The following PPM1E variants were observed in gnomAD, a reference collection of about 807,000 sequenced individuals.
The protein encoded by PPM1E is protein phosphatase 1E.
PPM1E carries 20 observed loss-of-function variants against 65.9 expected under a neutral mutation model. The ratio of observed to expected loss-of-function variants is 0.30; its 90% confidence interval spans 0.21 to 0.44. PPM1E has a LOEUF of 0.44. Among genes scored for constraint, PPM1E ranks in the 20% least tolerant of loss-of-function variants. The pLI, the probability that PPM1E is intolerant of heterozygous loss-of-function variation, is 1.00. For synonymous variants in PPM1E, 352 were observed against 374.9 expected, an observed-to-expected ratio of 0.94 and a Z score of 0.70; for missense variants, 713 against 953.1, an observed-to-expected ratio of 0.75 and a Z score of 3.32.
intron 1 of PPM1E, among the ~76,000 whole-genome samples, chr17:58,798,525 A>ATTTT (rs78922975): frequency 3.3e-5 from 3 of 89,846 alleles, no homozygotes; most frequent in African/African-American, 8.2e-5. Flanking sequence ...ACACGGCCCT[A>ATTTT]TTTTTTTTTT....
At chr17:58,973,743 G>A (rs755860572) in intron 6 of PPM1E, among the ~76,000 whole-genome samples, 2 of 152,006 alleles carry the variant, frequency 1.3e-5, no homozygotes, top group Non-Finnish European at 2.9e-5. Flanking sequence ...ATGAGGTCAG[G>A]AGATGGAGAC....
Position 58,756,341 on chromosome 17 carries a change from C to G in PPM1E, c.344C>G (p.Pro115Arg). Residue 115 changes from proline (P) to arginine (R), a missense_variant, in exon 1 of 7, where the codon CCG becomes CGG. Physicochemically the swap from Pro to Arg is moderately radical, Grantham distance 103. This residue lies in a region of PPM1E where 212 missense variants were observed against 204.0 expected (regional missense o/e 1.04). Transcript: ENST00000308249. ...AAAAPGHSAVPPPPPQLPPLP... is the reference protein window; with the variant it reads ...AAAAPGHSAVRPPPPQLPPLP... ...GCAGCCCCGGGGCACTCGGCCGTGCCGCCGCCGCCGCCCCAGCTGCCGCCT... is the reference window on the plus strand; with the variant it reads ...GCAGCCCCGGGGCACTCGGCCGTGCGGCCGCCGCCGCCCCAGCTGCCGCCT... 2 of 1,372,120 alleles carry G rather than the reference C, an allele frequency of 1.5e-6. No homozygotes were observed. The highest frequency in any genetic ancestry group is 3.1e-5 in the East Asian group (1 of 32,760). 85.0% of individuals were successfully genotyped at this position (1,372,120 alleles called of 1,614,324 possible). A position where few individuals can be genotyped will look rare whatever the true frequency, so the allele number is the denominator to read the frequency against.
Position 58,812,868 on chromosome 17 carries a change from C to T in PPM1E, c.464+56407C>T, listed in dbSNP as rs141912393. Among the ~76,000 whole-genome samples, 947 of 152,244 alleles carry T rather than the reference C, an allele frequency of 6.2e-3. 4 individuals carry two copies. Among genetic ancestry groups the T allele is most frequent in the Non-Finnish European group, 9.0e-3 (612 of 68,008 alleles). On this transcript the variant is annotated intron_variant, in intron 1 of 6. Transcript: ENST00000308249. ...AGGCATGAGCCACCGTGCCCAGCCA[C>T]ACACTTTTTTATTTGGTAGATTTCC...
intron 1 of PPM1E, among the ~76,000 whole-genome samples, chr17:58,939,821 TC>T (rs1412048806): frequency 6.6e-6 from 1 of 152,116 alleles, no homozygotes; most frequent in Non-Finnish European, 1.5e-5. Context: ...TTCCTTTTGT[TC>T]TCAGGATGTG....
intron 1 of PPM1E, among the ~76,000 whole-genome samples, chr17:58,779,097 A>G (rs182088752): frequency 1.3e-4 from 19 of 151,310 alleles, no homozygotes; most frequent in African/African-American, 4.4e-4. Flanking sequence ...GATATATTTT[A>G]TTTTGTGATT....
intron 1 of PPM1E, among the ~76,000 whole-genome samples, chr17:58,833,692 C>G (rs182001996): frequency 1.3e-5 from 2 of 152,090 alleles, no homozygotes; most frequent in African/African-American, 4.8e-5. Flanking sequence ...AGTGAACATG[C>G]GAGTGCATAT....
intron 1 of PPM1E, among the ~76,000 whole-genome samples, chr17:58,862,498 G>T (rs79014413): frequency 0.04 from 6,061 of 152,248 alleles, 240 homozygotes; most frequent in African/African-American, 0.099. Flanking sequence ...CTTCTGGATA[G>T]AAATGCTTCT....
chr17:58,879,808 G>A (rs1369286079), intron 1 of PPM1E, among the ~76,000 whole-genome samples: 3 of 151,952 alleles, frequency 2.0e-5, no homozygotes, highest in Non-Finnish European at 2.9e-5. Context: ...CGTGCCCGGC[G>A]AGATTAACTT....
intron 1 of PPM1E, among the ~76,000 whole-genome samples, chr17:58,879,304 A>G (rs2051163054): frequency 6.7e-6 from 1 of 149,856 alleles, no homozygotes; most frequent in Admixed American, 6.7e-5. Flanking sequence ...TATTTTATAT[A>G]TATAAAAGAC....
At position 58,863,687 on chromosome 17, in the gene PPM1E, G is replaced by T. The variant is rs535959011; in HGVS notation, c.465-91962G>T. Among the ~76,000 whole-genome samples the T allele has an allele frequency of 6.6e-5, 10 of 152,296 alleles. No individual in the cohort carries two copies. In the South Asian group the frequency reaches 2.1e-3, roughly 32 times the overall value. ...AGACTTGAAGGATGGTGAATGCAGA[G>T]ATTTTATTGAGCAATGGAAGTGGCT... is the stretch of plus-strand genomic sequence containing the variant. On this transcript the variant is annotated intron_variant, in intron 1 of 6. Coordinates refer to ENST00000308249, the MANE Select transcript of PPM1E (RefSeq NM_014906.5).
intron 1 of PPM1E, among the ~76,000 whole-genome samples, chr17:58,953,244 G>A (rs530587295): frequency 6.6e-6 from 1 of 152,274 alleles, no homozygotes; most frequent in South Asian, 2.1e-4. Flanking sequence ...CCTGAAGCTG[G>A]GTAAATTATA....
At chr17:58,900,022 C>T (rs2143465516) in intron 1 of PPM1E, among the ~76,000 whole-genome samples, 1 of 142,362 alleles carries the variant, frequency 7.0e-6, no homozygotes, top group South Asian at 2.2e-4. Flanking sequence ...TAGTGAGATA[C>T]AGTCTCAAAA....
Position 58,878,722 on chromosome 17 carries a change from A to C in PPM1E, c.465-76927A>C, listed in dbSNP as rs1406197978. ...CTGAGGTGGGCAGATCACCTGAGGTAGGGAGTTTGAGACCAGCCTGACCAA... is the reference window on the plus strand; with the variant it reads ...CTGAGGTGGGCAGATCACCTGAGGTCGGGAGTTTGAGACCAGCCTGACCAA... On this transcript the variant is annotated intron_variant, in intron 1 of 6. Coordinates refer to ENST00000308249, the MANE Select transcript of PPM1E (RefSeq NM_014906.5). Among the ~76,000 whole-genome samples, 5 of 150,612 alleles carry C rather than the reference A, an allele frequency of 3.3e-5. No individual in the cohort carries two copies. The East Asian group carries it at 1.0e-3, about 30-fold the overall frequency.
At chr17:58,892,581 A>T (rs997988037) in intron 1 of PPM1E, among the ~76,000 whole-genome samples, 3 of 152,134 alleles carry the variant, frequency 2.0e-5, no homozygotes, top group Non-Finnish European at 2.9e-5. Context: ...TGTCTCAAAA[A>T]AATAATAATA....
At chr17:58,856,762 A>G (rs986701898) in intron 1 of PPM1E, among the ~76,000 whole-genome samples, 8 of 152,328 alleles carry the variant, frequency 5.3e-5, no homozygotes, top group South Asian at 2.1e-4. Context: ...AGAGGCTTCA[A>G]TAAATCAACC....
intron 1 of PPM1E, among the ~76,000 whole-genome samples, chr17:58,898,003 G>A (rs2051445020): frequency 6.6e-6 from 1 of 152,148 alleles, no homozygotes; most frequent in African/African-American, 2.4e-5. Flanking sequence ...GCTCATGCCT[G>A]TAATTCCAGC....
chr17:58,775,286 T>A (rs943949544), intron 1 of PPM1E, among the ~76,000 whole-genome samples: 1 of 152,196 alleles, frequency 6.6e-6, no homozygotes, highest in Non-Finnish European at 1.5e-5. Flanking sequence ...ATAGACACTG[T>A]TATTATCCTT....
intron 1 of PPM1E, among the ~76,000 whole-genome samples, chr17:58,870,246 A>T (rs753610050): frequency 6.6e-6 from 1 of 152,110 alleles, no homozygotes; most frequent in East Asian, 1.9e-4. Context: ...ATTTTAGACA[A>T]TTTTTTCATT....
chr17:58,940,304 G>T (rs2052047054), intron 1 of PPM1E, among the ~76,000 whole-genome samples: 1 of 152,130 alleles, frequency 6.6e-6, no homozygotes, highest in South Asian at 2.1e-4. Flanking sequence ...TTGCAATTCT[G>T]ATTTTTCAGA....
Sources: allele counts gnomAD v4.1 joint callset (sites outside exome capture counted in the v4.1 genomes callset), GRCh38; gene constraint gnomAD v4.1.1; regional missense constraint gnomAD v4.1.1; transcripts MANE v1.5; gene names NCBI Gene and HGNC (gene_info 2026-07-23, HGNC 2026-07-21).